Variants in PPP2CA observed in about 807,000 individuals in gnomAD.
PPP2CA encodes the protein protein phosphatase 2 catalytic subunit alpha.
PPP2CA carries 5 observed loss-of-function variants against 38.8 expected under a neutral mutation model. The ratio of observed to expected loss-of-function variants is 0.13; its 90% CI spans 0.07 to 0.27. PPP2CA has a LOEUF of 0.27. Ranked by LOEUF, PPP2CA falls within the 10% of genes least tolerant of loss-of-function variation. The pLI is 1.00. For synonymous variants in PPP2CA, 152 were observed against 134.0 expected, an observed-to-expected ratio of 1.13 and a Z score of -0.93; for missense variants, 88 against 389.7, an observed-to-expected ratio of 0.23 and a Z score of 6.52.
chr5:134,197,064 A>G lies in PPP2CA; in HGVS notation c.*708T>C, dbSNP rs2149382017. The G allele has an allele frequency of 6.5e-6, 1 of 152,748 alleles. No homozygotes were observed. Among genetic ancestry groups the G allele is most frequent in the East Asian group, 1.9e-4 (1 of 5,190 alleles). 9.5% of individuals were successfully genotyped at this position (152,748 alleles called of 1,614,324 possible). ...TTAATAAACAGCACCAGTCTTGCCC[A>G]TTGATACAATTAAAATTTGACCTTC... On this transcript the variant is annotated 3_prime_UTR_variant, in exon 7 of 7. Coordinates refer to ENST00000481195, the MANE Select transcript of PPP2CA (RefSeq NM_002715.4).
intron 1 of PPP2CA, among the ~76,000 whole-genome samples, chr5:134,220,097 T>C (rs951057829): frequency 5.3e-5 from 8 of 150,040 alleles, no homozygotes; most frequent in South Asian, 2.1e-4. Context: ...TTACTGACAA[T>C]AGACACCTCT....
At chr5:134,213,988 G>T (rs1762263810) in intron 1 of PPP2CA, among the ~76,000 whole-genome samples, 1 of 152,126 alleles carries the variant, frequency 6.6e-6, no homozygotes, top group Admixed American at 6.5e-5. Flanking sequence ...AATCAGCCAG[G>T]TAAGATGGCA....
intron 4 of PPP2CA, 126 bp from the exon 5 acceptor site, chr5:134,200,622 G>A (rs1283590898): frequency 1.9e-6 from 2 of 1,051,406 alleles, no homozygotes; most frequent in Non-Finnish European, 2.7e-6. Context: ...AATGCTAATA[G>A]ACTGTGCAGT....
At chr5:134,207,396 C>G (rs1283815828) in intron 1 of PPP2CA, among the ~76,000 whole-genome samples, 1 of 152,110 alleles carries the variant, frequency 6.6e-6, no homozygotes, top group Non-Finnish European at 1.5e-5. Context: ...CAGACCAAGA[C>G]TCTGTCTCAA....
intron 1 of PPP2CA, among the ~76,000 whole-genome samples, chr5:134,206,611 C>T (rs948059583): frequency 6.6e-6 from 1 of 152,022 alleles, no homozygotes; most frequent in African/African-American, 2.4e-5. Flanking sequence ...AATCTTCCCA[C>T]CTCAGTAGTG....
At chr5:134,209,736 C>T (rs1446356751) in intron 1 of PPP2CA, among the ~76,000 whole-genome samples, 1 of 151,508 alleles carries the variant, frequency 6.6e-6, no homozygotes, top group Non-Finnish European at 1.5e-5. Flanking sequence ...CAAGATCGCT[C>T]CACTGCACTA....
In PPP2CA at chr5:134,196,398, T is replaced by C. The variant is rs1761850498; in HGVS notation, c.*1374A>G. The C allele has an allele frequency of 6.6e-6, 1 of 152,198 alleles. No individual in the cohort carries two copies. The highest frequency in any genetic ancestry group is 2.4e-5 in the African/African-American group (1 of 41,442). The allele number at this position is 152,198 out of a possible 1,614,324, so 9.4% of individuals were successfully genotyped here. ...TAAACATCTAATCCTATTCGAAGGA[T>C]AAAAGGGGAAAAACTCATTAAATGT... is the stretch of plus-strand genomic sequence containing the variant. On this transcript the variant is annotated 3_prime_UTR_variant, in exon 7 of 7. Coordinates refer to ENST00000481195, the MANE Select transcript of PPP2CA (RefSeq NM_002715.4).
rs1762575080 is a variant in PPP2CA at position 134,226,025 on chromosome 5, G to T, written c.-164C>A. ...TCACCGCAGTACTCGGCCGTCGGCC[G>T]CTGCGCCTCCTCCTCCGCTCGCTGA... On this transcript the variant is annotated 5_prime_UTR_variant, in exon 1 of 7. Coordinates refer to ENST00000481195, the MANE Select transcript of PPP2CA (RefSeq NM_002715.4). 5.3e-6 allele frequency: 3 copies of T among 563,180 alleles called. No individual in the cohort carries two copies. The highest frequency in any genetic ancestry group is 9.1e-6 in the Non-Finnish European group (3 of 328,948). 34.9% of individuals were successfully genotyped at this position (563,180 alleles called of 1,614,324 possible).
chr5:134,211,656 T>C (rs1390353519), intron 1 of PPP2CA, among the ~76,000 whole-genome samples: 1 of 127,722 alleles, frequency 7.8e-6, no homozygotes, highest in African/African-American at 2.9e-5. Context: ...TTTTTTTTTT[T>C]AGTACAGACA....
At chr5:134,208,062 A>ATT (rs1762120919) in intron 1 of PPP2CA, among the ~76,000 whole-genome samples, 2 of 152,204 alleles carry the variant, frequency 1.3e-5, no homozygotes. Flanking sequence ...ACTAAATGAA[A>ATT]TAAGTCCTAC....
At chr5:134,212,542 G>A (rs1411372902) in intron 1 of PPP2CA, among the ~76,000 whole-genome samples, 1 of 152,058 alleles carries the variant, frequency 6.6e-6, no homozygotes, top group African/African-American at 2.4e-5. Context: ...TTGAAATTAG[G>A]CCAATTAATA....
intron 1 of PPP2CA, among the ~76,000 whole-genome samples, chr5:134,209,740 T>C (rs984413940): frequency 6.6e-6 from 1 of 151,032 alleles, no homozygotes; most frequent in Non-Finnish European, 1.5e-5. Flanking sequence ...ATCGCTCCAC[T>C]GCACTACAGC....
intron 2 of PPP2CA, among the ~76,000 whole-genome samples, chr5:134,202,693 T>C (rs13183619): frequency 0.77 from 117,660 of 152,150 alleles, 45,956 homozygotes; most frequent in Non-Finnish European, 0.82. Context: ...TATAATCATA[T>C]ACATGGAAGT....
At chr5:134,217,968 A>G (rs1348058164) in intron 1 of PPP2CA, among the ~76,000 whole-genome samples, 1 of 152,222 alleles carries the variant, frequency 6.6e-6, no homozygotes, top group Non-Finnish European at 1.5e-5. Flanking sequence ...AAGTATTTGT[A>G]TAACTAAACA....
intron 1 of PPP2CA, among the ~76,000 whole-genome samples, chr5:134,223,520 T>C (rs1162549855): frequency 1.3e-5 from 2 of 152,248 alleles, no homozygotes; most frequent in African/African-American, 2.4e-5. Flanking sequence ...CAGAAACTTT[T>C]ATATAACACC....
intron 1 of PPP2CA, among the ~76,000 whole-genome samples, chr5:134,211,410 A>C (rs1253828703): frequency 6.6e-6 from 1 of 152,192 alleles, no homozygotes; most frequent in Non-Finnish European, 1.5e-5. Context: ...AGTAACATGA[A>C]ATTACAAACA....
intron 1 of PPP2CA, 89 bp from the exon 2 acceptor site, chr5:134,206,220 G>C: frequency 9.0e-7 from 1 of 1,116,482 alleles, no homozygotes; most frequent in Non-Finnish European, 1.3e-6. Flanking sequence ...TGTAGCTTAA[G>C]GGGCAGACTC....
intron 1 of PPP2CA, among the ~76,000 whole-genome samples, chr5:134,218,005 A>G (rs1039335363): frequency 3.3e-5 from 5 of 152,246 alleles, no homozygotes; most frequent in African/African-American, 1.2e-4. Context: ...TTACACTATG[A>G]CATTACAAGG....
chr5:134,218,379 T>C (rs1046290796), intron 1 of PPP2CA, among the ~76,000 whole-genome samples: 9 of 152,270 alleles, frequency 5.9e-5, no homozygotes, highest in African/African-American at 1.9e-4. Context: ...CAATATCACC[T>C]TTGCCTCTGA....
Sources: allele counts gnomAD v4.1 joint callset (sites outside exome capture counted in the v4.1 genomes callset), GRCh38; gene constraint gnomAD v4.1.1; transcripts MANE v1.5; gene names NCBI Gene and HGNC (gene_info 2026-07-23, HGNC 2026-07-21).